SHQ1: variants seen among roughly 807,000 people sequenced by gnomAD.
SHQ1 encodes SHQ1, H/ACA ribonucleoprotein assembly factor, also known as protein SHQ1 homolog.
SHQ1 carries 49 observed loss-of-function variants against 53.8 expected under a neutral mutation model. That is an observed-to-expected ratio of 0.91 (90% confidence interval 0.72 to 1.16). The LOEUF is 1.16. Among genes scored for constraint, SHQ1 ranks in the 50% most tolerant of loss-of-function variants. The pLI, the probability that SHQ1 is intolerant of heterozygous loss-of-function variation, is 0.00. For synonymous variants in SHQ1, 243 were observed against 251.0 expected (o/e 0.97, Z 0.30); for missense variants, 738 against 683.1 (o/e 1.08, Z -0.90).
At chr3:72,798,626 T>G (rs1267216038) in intron 9 of SHQ1, among the ~76,000 whole-genome samples, 2 of 152,248 alleles carry the variant, frequency 1.3e-5, no homozygotes, top group Non-Finnish European at 1.5e-5. Flanking sequence ...TAATACATCT[T>G]AATACAAAGA....
chr3:72,804,160 G>C (rs576408793), intron 9 of SHQ1, among the ~76,000 whole-genome samples: 1 of 152,238 alleles, frequency 6.6e-6, no homozygotes, highest in African/African-American at 2.4e-5. Flanking sequence ...CTGGCTTCAA[G>C]AGATCTTCCC....
intron 6 of SHQ1, among the ~76,000 whole-genome samples, chr3:72,818,752 C>T (rs577822623): frequency 8.5e-5 from 13 of 152,276 alleles, no homozygotes; most frequent in Middle Eastern, 3.4e-3. Context: ...AAGCCAGGGA[C>T]TCGCCTGCTA....
intron 5 of SHQ1, 33 bp from the exon 6 acceptor site, chr3:72,824,584 A>G: frequency 6.3e-7 from 1 of 1,580,596 alleles, no homozygotes; most frequent in South Asian, 1.2e-5. Context: ...CTTACTATAC[A>G]GGATTTCACT....
chr3:72,729,736 T>C, the SHQ1 span, among the ~76,000 whole-genome samples: 3 of 152,246 alleles, frequency 2.0e-5, no homozygotes, highest in South Asian at 2.1e-4. Flanking sequence ...GTGAAGGAAT[T>C]ACTACTCATA....
intron 10 of SHQ1, among the ~76,000 whole-genome samples, chr3:72,771,096 G>A (rs553064787): frequency 2.0e-5 from 3 of 152,336 alleles, no homozygotes; most frequent in South Asian, 4.1e-4. Flanking sequence ...TAGTGGAAGA[G>A]TACAAAGTTC....
At chr3:72,748,953 TCAAA>T (rs1243528851), downstream of SHQ1, among the ~76,000 whole-genome samples, 12 of 143,522 alleles carry the variant, frequency 8.4e-5, no homozygotes, top group African/African-American at 3.3e-4. Context: ...AGACCCTGTC[TCAAA>T]CACACACGCA....
chr3:72,798,682 C>T (rs1706699215), intron 9 of SHQ1, among the ~76,000 whole-genome samples: 1 of 152,146 alleles, frequency 6.6e-6, no homozygotes, highest in Non-Finnish European at 1.5e-5. Flanking sequence ...TCCTGAAATC[C>T]TCCTATTAGT....
At chr3:72,734,249 A>ATTTT in the SHQ1 span, among the ~76,000 whole-genome samples, 1 of 150,966 alleles carries the variant, frequency 6.6e-6, no homozygotes, top group Non-Finnish European at 1.5e-5. Flanking sequence ...CATCATTTTT[A>ATTTT]TTTTATTTAT....
At chr3:72,830,429 T>C (rs1184775259) in intron 5 of SHQ1, among the ~76,000 whole-genome samples, 1 of 152,094 alleles carries the variant, frequency 6.6e-6, no homozygotes, top group Non-Finnish European at 1.5e-5. Context: ...TATATCACAA[T>C]GTATTATCTG....
chr3:72,729,519 G>A, the SHQ1 span, among the ~76,000 whole-genome samples: 1 of 152,130 alleles, frequency 6.6e-6, no homozygotes, highest in Non-Finnish European at 1.5e-5. Context: ...AAAAATAAAA[G>A]GCATTGGCTC....
chr3:72,838,324 C>CT (rs1559699085), intron 4 of SHQ1, among the ~76,000 whole-genome samples: 1 of 152,116 alleles, frequency 6.6e-6, no homozygotes, highest in African/African-American at 2.4e-5. Context: ...TTATAAAACC[C>CT]TTAGAGTTTT....
chr3:72,750,566 TGG>T lies in SHQ1; in HGVS notation c.1450_1451del (p.Pro484IlefsTer2). On this transcript the variant is annotated frameshift_variant, in exon 11 of 11. Coordinates refer to ENST00000325599, the MANE Select transcript of SHQ1 (RefSeq NM_018130.3). LOFTEE classifies it low-confidence loss of function (END_TRUNC). ...DSEQDELKDS[P>X]SETVSSLQGP... The stretch of plus-strand genomic sequence containing the variant: ...CTTGCAAAGAACTGACTGTCTCAGA[TGG>T]ACTATCTTTGAGTTCATCTTGTTCT... 6.2e-7 allele frequency: 1 copy of T among 1,614,244 alleles called. No homozygotes were observed. The highest frequency in any genetic ancestry group is 8.5e-7 in the Non-Finnish European group (1 of 1,180,042).
In SHQ1 at chr3:72,778,341, C is replaced by T. The variant is rs115253512; in HGVS notation, c.1181+14575G>A. On this transcript the variant is annotated intron_variant, in intron 10 of 10. Transcript: ENST00000325599. ...GGGCATGCCTGTAGTCCTAACTACT[C>T]GGGAGGATGAGATGGCAGGATCACT... is the stretch of plus-strand genomic sequence containing the variant. 4.8e-3 allele frequency among the ~76,000 whole-genome samples: 730 copies of T among 151,882 alleles called. 7 individuals are homozygous for T. Among genetic ancestry groups the T allele is most frequent in the African/African-American group, 0.017 (692 of 41,398 alleles).
At position 72,810,708 on chromosome 3, in the gene SHQ1, C is replaced by T. The variant is rs572095582; in HGVS notation, c.1060+1963G>A. Among the ~76,000 whole-genome samples the T allele has an allele frequency of 3.5e-4, 53 of 152,266 alleles. No homozygotes were observed. The South Asian group carries it at 7.7e-3, about 22-fold the overall frequency. ...TGTTCAAACAAATGAGCCTCTTCAG[C>T]GGCAATAATGGCATCCCCGTGCCAT... On this transcript the variant is annotated intron_variant, in intron 9 of 10. Transcript: ENST00000325599.
At chr3:72,829,814 C>T (rs1707772362) in intron 5 of SHQ1, among the ~76,000 whole-genome samples, 1 of 152,012 alleles carries the variant, frequency 6.6e-6, no homozygotes, top group African/African-American at 2.4e-5. Context: ...TTTGTTTTCT[C>T]CCAAAGAAAT....
chr3:72,787,531 A>AATTTTT (rs1266059210), intron 10 of SHQ1, among the ~76,000 whole-genome samples: 1 of 152,234 alleles, frequency 6.6e-6, no homozygotes, highest in Non-Finnish European at 1.5e-5. Context: ...CTCAGTGAGC[A>AATTTTT]TATATGTACT....
intron 10 of SHQ1, among the ~76,000 whole-genome samples, chr3:72,791,538 T>C (rs1220946395): frequency 6.6e-6 from 1 of 152,184 alleles, no homozygotes; most frequent in African/African-American, 2.4e-5. Context: ...ATAAATCCCA[T>C]ATAATGGCTC....
intron 6 of SHQ1, among the ~76,000 whole-genome samples, chr3:72,819,263 C>G (rs1707407276): frequency 6.6e-6 from 1 of 152,124 alleles, no homozygotes; most frequent in Non-Finnish European, 1.5e-5. Flanking sequence ...ATGAGTGACC[C>G]ATTCGAATGT....
chr3:72,833,788 G>A (rs1038614500), intron 4 of SHQ1, among the ~76,000 whole-genome samples: 14 of 152,164 alleles, frequency 9.2e-5, no homozygotes, highest in African/African-American at 2.7e-4. Context: ...CCAGAATTGC[G>A]AAGCAAAGAA....
Sources: allele counts gnomAD v4.1 joint callset (sites outside exome capture counted in the v4.1 genomes callset), GRCh38; gene constraint gnomAD v4.1.1; transcripts MANE v1.5; gene names NCBI Gene and HGNC (gene_info 2026-07-23, HGNC 2026-07-21).